MOB4: variants seen among roughly 807,000 people sequenced by gnomAD.
MOB4 encodes MOB family member 4, phocein, also known as MOB-like protein phocein.
In MOB4, 4 loss-of-function variants were observed where a neutral mutation model predicts 32.2. The ratio of observed to expected loss-of-function variants is 0.12; its 90% confidence interval spans 0.06 to 0.28. The LOEUF (loss-of-function observed/expected upper bound fraction) is 0.28. Ranked by LOEUF, MOB4 falls within the 10% of genes least tolerant of loss-of-function variation. MOB4 has a pLI of 1.00. For missense variants in MOB4, 158 were observed against 271.2 expected (o/e 0.58, Z 2.93); for synonymous variants, 88 against 88.1 (o/e 1.00, Z 0.01).
In MOB4 at chr2:197,516,101, G is replaced by A; in HGVS notation, c.15G>A (p.Glu5=). 2 of 1,601,736 alleles carry A rather than the reference G, an allele frequency of 1.2e-6. No individual in the cohort carries two copies. The highest frequency in any genetic ancestry group is 1.7e-6 in the Non-Finnish European group (2 of 1,175,404). MVMA[E]GTAVLRRNRP... ...ACGCTGGCACTATGGTCATGGCGGA[G>A]GGGACGGCAGTGCTGAGGCGGAACA... The change falls in exon 1 of 8, where the codon GAG becomes GAA. Residue 5 remains glutamate, a synonymous_variant. Transcript: ENST00000323303.
intron 5 of MOB4, among the ~76,000 whole-genome samples, chr2:197,541,461 G>T (rs926488520): frequency 6.6e-6 from 1 of 152,190 alleles, no homozygotes; most frequent in Non-Finnish European, 1.5e-5. Context: ...TTGAAGACAA[G>T]TGAGGCCCTA....
Position 197,516,159 on chromosome 2 carries a change from C to CACTT in MOB4, c.60+14_60+17dup, listed in dbSNP as rs766429224. On this transcript the variant is annotated intron_variant, in intron 1 of 7. Coordinates refer to ENST00000323303, the MANE Select transcript of MOB4 (RefSeq NM_015387.5). ...CACCAAGGCGCAGGTACCATGTCTG[C>CACTT]ACTTTTCTTGTCGGGCAACTAGGTG... The CACTT allele has an allele frequency of 4.4e-6, 7 of 1,596,022 alleles. No homozygotes were observed. Among genetic ancestry groups the CACTT allele is most frequent in the South Asian group, 1.1e-5 (1 of 88,008 alleles).
At chr2:197,547,516 A>G (rs2087017935) in intron 5 of MOB4, among the ~76,000 whole-genome samples, 2 of 152,154 alleles carry the variant, frequency 1.3e-5, no homozygotes, top group African/African-American at 2.4e-5. Flanking sequence ...TTAGAAAAAT[A>G]CTTCTTTTTT....
Position 197,535,562 on chromosome 2 carries a change from C to A in MOB4, c.156C>A (p.Ser52=). 6.2e-7 allele frequency: 1 copy of A among 1,612,394 alleles called. No individual in the cohort carries two copies. Among genetic ancestry groups the A allele is most frequent in the Non-Finnish European group, 8.5e-7 (1 of 1,179,670 alleles). Residue 52 remains serine (S), a synonymous_variant, in exon 3 of 8, where the codon TCC becomes TCA. Coordinates refer to ENST00000323303, the MANE Select transcript of MOB4 (RefSeq NM_015387.5). The stretch of plus-strand genomic sequence containing the variant: ...AACAGAACATAAGAGCAGATTGCTC[C>A]AATATTGACAAAATTCTTGAACCAC... ...YIQQNIRADC[S]NIDKILEPPE...
chr2:197,521,671 A>G (rs1176838540), intron 1 of MOB4, among the ~76,000 whole-genome samples: 2 of 152,192 alleles, frequency 1.3e-5, no homozygotes, highest in African/African-American at 4.8e-5. Context: ...TCTCTTTCCC[A>G]GGGATGTTCC....
intron 1 of MOB4, among the ~76,000 whole-genome samples, chr2:197,519,768 T>A: frequency 6.6e-6 from 1 of 152,178 alleles, no homozygotes; most frequent in East Asian, 1.9e-4. Context: ...TGTTTTCTAA[T>A]ATTTTAAAAA....
chr2:197,529,006 G>T (rs2106114191), intron 2 of MOB4, among the ~76,000 whole-genome samples: 1 of 150,224 alleles, frequency 6.7e-6, no homozygotes, highest in East Asian at 2.0e-4. Context: ...CTGTCACTCA[G>T]ACTGGAGTGC....
At chr2:197,525,203 C>T (rs55842644) in intron 2 of MOB4, among the ~76,000 whole-genome samples, 5,028 of 150,614 alleles carry the variant, frequency 0.033, 275 homozygotes, top group African/African-American at 0.11. Flanking sequence ...AAAAATTAGC[C>T]GGGCGTGGTG....
At position 197,532,201 on chromosome 2, in the gene MOB4, G is replaced by A. The variant is rs185209187; in HGVS notation, c.124-3329G>A. On this transcript the variant is annotated intron_variant, in intron 2 of 7. Coordinates refer to ENST00000323303, the MANE Select transcript of MOB4 (RefSeq NM_015387.5). ...TGGGATTACAGGAGTGAGCCATTGT[G>A]ACTGGCCAAAATGGCATTTTTGTTT... Among the ~76,000 whole-genome samples the A allele has an allele frequency of 3.9e-5, 6 of 152,268 alleles. No homozygotes were observed. The East Asian group carries it at 7.7e-4, about 20-fold the overall frequency.
In MOB4 at chr2:197,535,550, A is replaced by G. The variant is rs1290140398; in HGVS notation, c.144A>G (p.Arg48=). ...TTTAGTATATTCAACAGAACATAAGAGCAGATTGCTCCAATATTGACAAAA... is the reference window on the plus strand; with the variant it reads ...TTTAGTATATTCAACAGAACATAAGGGCAGATTGCTCCAATATTGACAAAA... ...AVQQYIQQNI[R]ADCSNIDKIL... Residue 48 remains arginine (R), a synonymous_variant, in exon 3 of 8, where the codon AGA becomes AGG. Coordinates refer to ENST00000323303, the MANE Select transcript of MOB4 (RefSeq NM_015387.5). The G allele has an allele frequency of 6.2e-7, 1 of 1,611,056 alleles. No individual in the cohort carries two copies. The highest frequency in any genetic ancestry group is 2.2e-5 in the East Asian group (1 of 44,796).
intron 2 of MOB4, among the ~76,000 whole-genome samples, chr2:197,527,145 G>A (rs1286974688): frequency 1.3e-5 from 2 of 151,644 alleles, no homozygotes; most frequent in Non-Finnish European, 2.9e-5. Flanking sequence ...ATATAAATTT[G>A]AGGATCACCT....
rs962916303 is a variant in MOB4, at chr2:197,525,309, C to T, written c.123+1623C>T. Among the ~76,000 whole-genome samples, 5 of 150,560 alleles carry T rather than the reference C, an allele frequency of 3.3e-5. No homozygotes were observed. The East Asian group carries it at 5.9e-4, about 18-fold the overall frequency. On this transcript the variant is annotated intron_variant, in intron 2 of 7. Transcript: ENST00000323303. ...CCTGCAGTGAGCCGAGATCGTGCCA[C>T]TGCACTCCAGCTTGGGGGACAGAGC...
chr2:197,517,371 T>C (rs562342680), intron 1 of MOB4, among the ~76,000 whole-genome samples: 2 of 152,370 alleles, frequency 1.3e-5, no homozygotes, highest in Admixed American at 1.3e-4. Context: ...TTCATACTAC[T>C]GGAAATTTAT....
At chr2:197,547,803 A>C (rs1462570183) in intron 5 of MOB4, among the ~76,000 whole-genome samples, 1 of 152,136 alleles carries the variant, frequency 6.6e-6, no homozygotes, top group Non-Finnish European at 1.5e-5. Context: ...TTTTCCTTTA[A>C]TAAATTTACT....
intron 2 of MOB4, among the ~76,000 whole-genome samples, chr2:197,526,699 A>G (rs1470136365): frequency 5.3e-5 from 8 of 152,258 alleles, no homozygotes; most frequent in African/African-American, 1.9e-4. Flanking sequence ...TGGTTGCTCA[A>G]CATTGGGAAT....
chr2:197,523,879 G>A (rs1431683705), intron 2 of MOB4, among the ~76,000 whole-genome samples, 193 bp downstream of exon 2: 18 of 152,168 alleles, frequency 1.2e-4, no homozygotes, highest in Non-Finnish European at 2.1e-4. Context: ...ACATAGTTAA[G>A]TATTCTTATA....
intron 2 of MOB4, among the ~76,000 whole-genome samples, chr2:197,533,536 C>T (rs2086742352): frequency 6.6e-6 from 1 of 152,008 alleles, no homozygotes; most frequent in African/African-American, 2.4e-5. Context: ...ACCAGCCTTA[C>T]TAACATGGCG....
intron 3 of MOB4, among the ~76,000 whole-genome samples, chr2:197,539,036 C>T (rs1467013562): frequency 6.6e-6 from 1 of 151,974 alleles, no homozygotes; most frequent in Non-Finnish European, 1.5e-5. Context: ...TCACATATAT[C>T]CTGTTTTTTT....
chr2:197,519,102 G>GC (rs1350339401), intron 1 of MOB4, among the ~76,000 whole-genome samples: 2 of 151,610 alleles, frequency 1.3e-5, no homozygotes, highest in Non-Finnish European at 2.9e-5. Context: ...CAGCGTGTTA[G>GC]CCAGGTTGGT....
Sources: allele counts gnomAD v4.1 joint callset (sites outside exome capture counted in the v4.1 genomes callset), GRCh38; gene constraint gnomAD v4.1.1; transcripts MANE v1.5; gene names NCBI Gene and HGNC (gene_info 2026-07-23, HGNC 2026-07-21).